The following GPR37 variants were observed in gnomAD, a reference collection of about 807,000 sequenced individuals.
The protein encoded by GPR37 is G protein-coupled receptor 37.
Under a neutral mutation model 43.6 loss-of-function variants are expected in GPR37, and 20 were observed. The ratio of observed to expected loss-of-function variants is 0.46; its 90% CI spans 0.32 to 0.67. GPR37 has a LOEUF of 0.67. GPR37 is among the 30% of genes least tolerant of loss of function. GPR37 has a pLI of 0.03. For synonymous variants in GPR37, 315 were observed against 322.6 expected (o/e 0.98, Z 0.25); for missense variants, 724 against 797.2 (o/e 0.91, Z 1.11).
In GPR37 at chr7:124,745,030, C is replaced by T. The variant is rs1360810850; in HGVS notation, c.*1495G>A. 3 of 152,092 alleles carry T rather than the reference C, an allele frequency of 2.0e-5. No homozygotes were observed. Among genetic ancestry groups the T allele is most frequent in the African/African-American group, 4.8e-5 (2 of 41,436 alleles). The allele number at this position is 152,092 out of a possible 1,614,324, so 9.4% of individuals were successfully genotyped here. A position where few individuals can be genotyped will look rare whatever the true frequency, so the allele number is the denominator to read the frequency against. On this transcript the variant is annotated 3_prime_UTR_variant, in exon 2 of 2. Transcript: ENST00000303921. ...GAATACACACAATGGAGGGAAAAAC[C>T]CCTTTGAAAAGTATTGGACTGGGAA...
chr7:124,762,783 G>A (rs1793865891), intron 1 of GPR37, among the ~76,000 whole-genome samples: 1 of 152,210 alleles, frequency 6.6e-6, no homozygotes, highest in African/African-American at 2.4e-5. Context: ...AGTAGGTACT[G>A]TTTTCTGTTT....
At chr7:124,760,852 C>T (rs913616735) in intron 1 of GPR37, among the ~76,000 whole-genome samples, 1 of 152,118 alleles carries the variant, frequency 6.6e-6, no homozygotes, top group African/African-American at 2.4e-5. Flanking sequence ...TCTGATTTAA[C>T]ATGATTGTTC....
chr7:124,757,516 A>G (rs1368244747), intron 1 of GPR37, among the ~76,000 whole-genome samples: 2 of 152,238 alleles, frequency 1.3e-5, no homozygotes, highest in Admixed American at 6.5e-5. Flanking sequence ...GTAACTTTTC[A>G]TCATGGATCT....
chr7:124,750,193 C>T (rs891406551), intron 1 of GPR37, among the ~76,000 whole-genome samples: 1 of 152,238 alleles, frequency 6.6e-6, no homozygotes. Flanking sequence ...TGAAACTTGA[C>T]ATTTGTATAT....
intron 1 of GPR37, among the ~76,000 whole-genome samples, chr7:124,750,685 C>T (rs1029097766): frequency 3.3e-5 from 5 of 152,100 alleles, no homozygotes; most frequent in South Asian, 2.1e-4. Flanking sequence ...AAGGTAATGG[C>T]AAATGCATGC....
At chr7:124,762,446 T>G (rs1056056902) in intron 1 of GPR37, among the ~76,000 whole-genome samples, 2 of 151,728 alleles carry the variant, frequency 1.3e-5, no homozygotes, top group African/African-American at 4.8e-5. Context: ...CGCTTTATAC[T>G]TTTGTCTCTT....
intron 1 of GPR37, among the ~76,000 whole-genome samples, chr7:124,747,670 T>C (rs1165119530): frequency 6.6e-6 from 1 of 152,090 alleles, no homozygotes; most frequent in Admixed American, 6.6e-5. Context: ...AAAAATTTTA[T>C]TCACCACGAA....
Position 124,746,326 on chromosome 7 carries a change from C to A in GPR37, c.*199G>T. ...AATAATCTAAAACTATTGGCCTTCTCATTCTTCTTAAATAACTAAATAGAA... is the reference window on the plus strand; with the variant it reads ...AATAATCTAAAACTATTGGCCTTCTAATTCTTCTTAAATAACTAAATAGAA... On this transcript the variant is annotated 3_prime_UTR_variant, in exon 2 of 2. Transcript: ENST00000303921. The A allele has an allele frequency of 2.3e-6, 1 of 438,800 alleles. No homozygotes were observed. The allele number at this position is 438,800 out of a possible 1,614,324, so 27.2% of individuals were successfully genotyped here.
Position 124,746,679 on chromosome 7 carries a change from C to T in GPR37, c.1688G>A (p.Cys563Tyr). The stretch of plus-strand genomic sequence containing the variant: ...GCATTCCTCACAGCAACAGCAGCAG[C>T]ACTCCATGAAGGCCCGACTGAAGGG... Reference protein sequence around the residue: ...CKPFSRAFMECCCCCCEECIQ... With the variant: ...CKPFSRAFMEYCCCCCEECIQ... The change falls in exon 2 of 2, where the codon TGC becomes TAC. Residue 563 changes from cysteine (C) to tyrosine (Y), a missense_variant. Around this residue, in one of 2 missense-constraint regions of GPR37, gnomAD observed 342 missense variants for 441.8 expected, o/e 0.77. Coordinates refer to ENST00000303921, the MANE Select transcript of GPR37 (RefSeq NM_005302.5). 4 of 1,613,974 alleles carry T rather than the reference C, an allele frequency of 2.5e-6. No homozygotes were observed. The highest frequency in any genetic ancestry group is 3.4e-6 in the Non-Finnish European group (4 of 1,179,904).
At chr7:124,763,855 G>A in intron 1 of GPR37, 99 bp downstream of exon 1, 4 of 1,005,908 alleles carry the variant, frequency 4.0e-6, no homozygotes, top group Non-Finnish European at 5.9e-6. Context: ...AAAAAGGAAA[G>A]GCGTTCAGCT....
At chr7:124,751,797 T>G (rs1793738130) in intron 1 of GPR37, among the ~76,000 whole-genome samples, 1 of 152,162 alleles carries the variant, frequency 6.6e-6, no homozygotes, top group African/African-American at 2.4e-5. Context: ...GGTAGTTCTT[T>G]GAAGCAACAT....
At chr7:124,757,940 A>G (rs1230647699) in intron 1 of GPR37, among the ~76,000 whole-genome samples, 1 of 152,222 alleles carries the variant, frequency 6.6e-6, no homozygotes, top group Non-Finnish European at 1.5e-5. Context: ...ATTACAGAAA[A>G]TAATAAATTA....
Position 124,765,005 on chromosome 7 carries a change from C to A in GPR37, c.-29G>T. 1 of 1,433,548 alleles carries A rather than the reference C, an allele frequency of 7.0e-7. No homozygotes were observed. Among genetic ancestry groups the A allele is most frequent in the South Asian group, 1.5e-5 (1 of 68,266 alleles). 88.8% of individuals were successfully genotyped at this position (1,433,548 alleles called of 1,614,324 possible). On this transcript the variant is annotated 5_prime_UTR_variant, in exon 1 of 2. Coordinates refer to ENST00000303921, the MANE Select transcript of GPR37 (RefSeq NM_005302.5). Reference sequence around the variant, plus strand: ...TTGGTGAGGGCACACCCGGCAGCCGCAGCTCCTGCTTAGTTAGGATCGACA... The same window carrying A: ...TTGGTGAGGGCACACCCGGCAGCCGAAGCTCCTGCTTAGTTAGGATCGACA...
intron 1 of GPR37, among the ~76,000 whole-genome samples, chr7:124,752,330 T>C (rs2116314505): frequency 6.6e-6 from 1 of 152,310 alleles, no homozygotes; most frequent in South Asian, 2.1e-4. Flanking sequence ...ATCTATAAAA[T>C]ATACTGTAGC....
In GPR37 at chr7:124,764,236, C is replaced by A; in HGVS notation, c.741G>T (p.Leu247=). ...RGNSTNRRVR[L]KNPFYPLTQE... The stretch of plus-strand genomic sequence containing the variant: ...GGGTCAGCGGGTAGAAGGGGTTCTT[C>A]AGTCTCACACGCCGGTTCGTGCTGT... The change falls in exon 1 of 2, where the codon CTG becomes CTT. Residue 247 remains leucine (L), a synonymous_variant. Coordinates refer to ENST00000303921, the MANE Select transcript of GPR37 (RefSeq NM_005302.5). The surrounding 1 kb of genome is among the most constrained non-coding windows in gnomAD (Gnocchi z 5.4). The A allele has an allele frequency of 6.3e-7, 1 of 1,596,272 alleles. No individual in the cohort carries two copies. The highest frequency in any genetic ancestry group is 1.1e-5 in the South Asian group (1 of 87,518).
intron 1 of GPR37, among the ~76,000 whole-genome samples, chr7:124,750,924 A>G (rs188382720): frequency 1.3e-5 from 2 of 152,286 alleles, no homozygotes; most frequent in Admixed American, 1.3e-4. Flanking sequence ...ACTGTGTTTT[A>G]TCTGAGGATG....
At chr7:124,754,101 G>A (rs1379600577) in intron 1 of GPR37, among the ~76,000 whole-genome samples, 1 of 151,884 alleles carries the variant, frequency 6.6e-6, no homozygotes, top group Non-Finnish European at 1.5e-5. Flanking sequence ...AACTTATAAG[G>A]CAAAATACTT....
intron 1 of GPR37, among the ~76,000 whole-genome samples, chr7:124,763,316 C>T (rs894287818): frequency 3.9e-5 from 6 of 151,916 alleles, no homozygotes; most frequent in African/African-American, 1.5e-4. Context: ...ATTAAGAAAC[C>T]GAGATGGGAA....
Position 124,764,886 on chromosome 7 carries a change from C to T in GPR37, c.91G>A (p.Ala31Thr), listed in dbSNP as rs759841234. The change falls in exon 1 of 2, where the codon GCC becomes ACC. Residue 31 changes from alanine to threonine, a missense_variant. Ala to Thr is a moderately conservative substitution (Grantham distance 58, BLOSUM62 0). This residue lies in a region of GPR37 where 382 missense variants were observed against 355.4 expected (regional missense o/e 1.07). Coordinates refer to ENST00000303921, the MANE Select transcript of GPR37 (RefSeq NM_005302.5). This position sits in a 1 kb window ranked among gnomAD's most constrained non-coding sequence, Gnocchi z 5.4. ...KVSASSALGV[A>T]PASRNETCLG... ...CAAGTTTCGTTTCTGGACGCAGGGG[C>T]GACCCCGAGGGCAGAAGAGGCAGAC... 41 of 1,607,636 alleles carry T rather than the reference C, an allele frequency of 2.6e-5. No homozygotes were observed. The Middle Eastern group carries it at 8.3e-4, about 32-fold the overall frequency.
Sources: gnomAD v4.1 joint callset for allele counts (sites outside exome capture counted in the v4.1 genomes callset) on GRCh38, gnomAD v4.1.1 for gene constraint, gnomAD v4.1.1 regional missense constraint, Gnocchi (gnomAD v3.1) non-coding constraint, MANE v1.5 for transcripts, NCBI Gene and HGNC (gene_info 2026-07-23, HGNC 2026-07-21) for gene names.